Variants in GPLD1 observed in about 807,000 individuals in gnomAD.
GPLD1 encodes phosphatidylinositol-glycan-specific phospholipase D.
Under a neutral mutation model 112.6 loss-of-function variants are expected in GPLD1, and 84 were observed. That is an observed-to-expected ratio of 0.75 (90% CI 0.63 to 0.89). The LOEUF is 0.89. GPLD1 is among the 40% of genes least tolerant of loss of function. The probability of loss-of-function intolerance (pLI) is 0.00; values close to 1 mark genes in which losing one functional copy is unlikely to be tolerated. For missense variants in GPLD1, 1,044 were observed against 1,051.5 expected, an observed-to-expected ratio of 0.99 and a Z score of 0.10; for synonymous variants, 386 against 403.8, an observed-to-expected ratio of 0.96 and a Z score of 0.53.
intron 10 of GPLD1, among the ~76,000 whole-genome samples, chr6:24,464,772 C>G (rs2127352297): frequency 6.6e-6 from 1 of 152,330 alleles, no homozygotes; most frequent in South Asian, 2.1e-4. Flanking sequence ...GGTGGTACAG[C>G]CTAAGCTTCC....
chr6:24,467,320 G>A, intron 7 of GPLD1, 46 bp from the exon 8 acceptor site: 1 of 1,020,790 alleles, frequency 9.8e-7, no homozygotes, highest in African/African-American at 1.6e-5. Context: ...TTCTGAAGCT[G>A]AAAATAGTAA....
chr6:24,485,034 A>G (rs548433156), intron 2 of GPLD1, among the ~76,000 whole-genome samples: 74 of 152,354 alleles, frequency 4.9e-4, no homozygotes, highest in African/African-American at 1.7e-3. Context: ...GAATGTGTTC[A>G]TTTGAAGATG....
At chr6:24,460,138 T>C in intron 12 of GPLD1, 141 bp downstream of exon 12, 1 of 878,686 alleles carries the variant, frequency 1.1e-6, no homozygotes, top group Non-Finnish European at 1.8e-6. Context: ...ACTCAAGGGA[T>C]CCTCTCAACT....
At position 24,445,768 on chromosome 6, in the gene GPLD1, G is replaced by A. The variant is rs1469026819; in HGVS notation, c.1884C>T (p.Phe628=). ...TAAACCAGCTTTGGCCGTTTGGTGG[G>A]AAGTAGCCATACACCCTCCCAAGGC... ...KKSLGRVYGY[F]PPNGQSWFTI... is the part of the protein sequence containing the mutation. The change falls in exon 19 of 25, where the codon TTC becomes TTT. Residue 628 remains phenylalanine, a synonymous_variant. Transcript: ENST00000230036. The A allele has an allele frequency of 3.1e-6, 5 of 1,613,896 alleles. No homozygotes were observed. The highest frequency in any genetic ancestry group is 1.1e-5 in the South Asian group (1 of 91,062).
rs1306553412 is a variant in GPLD1, at chr6:24,433,152, C to CA, written c.2436+34dup. On this transcript the variant is annotated intron_variant, in intron 24 of 24. Coordinates refer to ENST00000230036, the MANE Select transcript of GPLD1 (RefSeq NM_001503.4). ...CACCAAATCCCACCCGTAGTACTAA[C>CA]ATAAACATCAATGAAGTTCAGTCCT... is the stretch of plus-strand genomic sequence containing the variant. 4 of 1,456,450 alleles carry CA rather than the reference C, an allele frequency of 2.7e-6. No individual in the cohort carries two copies. In the African/African-American group the frequency reaches 4.2e-5, roughly 15 times the overall value. The allele number at this position is 1,456,450 out of a possible 1,614,324, so 90.2% of individuals were successfully genotyped here. A position where few individuals can be genotyped will look rare whatever the true frequency, so the allele number is the denominator to read the frequency against.
In GPLD1 at chr6:24,450,504, A is replaced by C. The variant is rs1328795789; in HGVS notation, c.1336-605T>G. Among the ~76,000 whole-genome samples the C allele has an allele frequency of 7.2e-5, 11 of 152,156 alleles. No individual in the cohort carries two copies. The East Asian group carries it at 1.2e-3, about 16-fold the overall frequency. ...CAACACAGCGAGACTCCATCTCAAA[A>C]AAACAAACAAACAAAAAAGAAAGTA... On this transcript the variant is annotated intron_variant, in intron 14 of 24. Transcript: ENST00000230036.
chr6:24,476,385 C>T, intron 3 of GPLD1, 107 bp from the exon 4 acceptor site: 1 of 629,464 alleles, frequency 1.6e-6, no homozygotes. Context: ...TCCTCCTTCC[C>T]TCCATGCCCC....
intron 1 of GPLD1, 99 bp downstream of exon 1, chr6:24,489,316 A>G: frequency 1.1e-6 from 1 of 886,454 alleles, no homozygotes; most frequent in Non-Finnish European, 1.8e-6. Flanking sequence ...TGCCCAGGGG[A>G]AACTGTATCA....
At chr6:24,467,381 C>T in intron 7 of GPLD1, 107 bp from the exon 8 acceptor site, 4 of 700,880 alleles carry the variant, frequency 5.7e-6, no homozygotes, top group Non-Finnish European at 1.0e-5. Flanking sequence ...GTGCCAGGCA[C>T]CATGTAAAAG....
rs541348450 is a variant in GPLD1, at chr6:24,464,396, G to A, written c.822-1601C>T. ...TATGCACCTAAAAACCCAGGTCCAC[G>A]GGAGAGCTTGGGGATTTTAGTTGAG... is the stretch of plus-strand genomic sequence containing the variant. On this transcript the variant is annotated intron_variant, in intron 10 of 24. Transcript: ENST00000230036. 7.1e-4 allele frequency among the ~76,000 whole-genome samples: 108 copies of A among 152,240 alleles called. 1 individual carries two copies. The highest frequency in any genetic ancestry group is 1.2e-3 in the East Asian group (6 of 5,178).
intron 6 of GPLD1, 144 bp from the exon 7 acceptor site, chr6:24,472,780 CTT>C (rs199628294): frequency 0.01 from 4,954 of 479,082 alleles, no homozygotes; most frequent in South Asian, 0.014. Flanking sequence ...AAAGGCATGC[CTT>C]TTTTTTTTTT....
rs1763477520 is a variant in GPLD1 at position 24,462,748 on chromosome 6, T to C, written c.869A>G (p.Gln290Arg). The C allele has an allele frequency of 1.2e-6, 2 of 1,613,398 alleles. No homozygotes were observed. The highest frequency in any genetic ancestry group is 8.5e-7 in the Non-Finnish European group (1 of 1,179,284). ...CACTTACCCCTGGGTGTGGTTTTGCTGGCCGCCACATGCAATGAACAGAGG... is the reference window on the plus strand; with the variant it reads ...CACTTACCCCTGGGTGTGGTTTTGCCGGCCGCCACATGCAATGAACAGAGG... ...ENPLFIACGG[Q>R]QNHTQGSKMQ... The change falls in exon 11 of 25, where the codon CAG becomes CGG. Residue 290 changes from glutamine (Q) to arginine (R), a missense_variant. Transcript: ENST00000230036.
upstream of GPLD1, among the ~76,000 whole-genome samples, chr6:24,490,795 A>T (rs542357249): frequency 6.6e-5 from 10 of 151,954 alleles, no homozygotes; most frequent in African/African-American, 2.4e-4. Flanking sequence ...GAATGATTTG[A>T]CAACAGTTGT....
chr6:24,443,333 G>A (rs190856820), intron 20 of GPLD1, among the ~76,000 whole-genome samples: 240 of 152,290 alleles, frequency 1.6e-3, no homozygotes, highest in Non-Finnish European at 3.0e-3. Context: ...AGGAGGTAAC[G>A]ATTGGTCAGC....
intron 11 of GPLD1, among the ~76,000 whole-genome samples, chr6:24,460,906 G>A (rs2793437): frequency 0.67 from 100,849 of 151,540 alleles, 33,884 homozygotes; most frequent in African/African-American, 0.72. Context: ...ACACCCAGCT[G>A]ATTTTTTTGT....
In GPLD1 at chr6:24,467,158, T is replaced by TA; in HGVS notation, c.653+8dup. The TA allele has an allele frequency of 1.4e-6, 2 of 1,466,686 alleles. No individual in the cohort carries two copies. Among genetic ancestry groups the TA allele is most frequent in the Non-Finnish European group, 1.9e-6 (2 of 1,045,534 alleles). 90.9% of individuals were successfully genotyped at this position (1,466,686 alleles called of 1,614,324 possible). ...ATCAGCTGCAAATTGTCCTCTGAGT[T>TA]ACGCTTACATTTCTAAGAACTGGAT... On this transcript the variant is annotated intron_variant, in intron 8 of 24. Transcript: ENST00000230036.
At chr6:24,442,628 T>C (rs1762785841) in intron 20 of GPLD1, among the ~76,000 whole-genome samples, 2 of 151,858 alleles carry the variant, frequency 1.3e-5, no homozygotes, top group South Asian at 4.2e-4. Flanking sequence ...GTGTTTTTAG[T>C]AGAGACAGGG....
chr6:24,476,521 T>C (rs1764025901), intron 3 of GPLD1, among the ~76,000 whole-genome samples: 2 of 152,196 alleles, frequency 1.3e-5, no homozygotes, highest in South Asian at 4.1e-4. Context: ...GGACGGAGCC[T>C]AAACTGGCTC....
At position 24,472,628 on chromosome 6, in the gene GPLD1, C is replaced by A. The variant is rs766897122; in HGVS notation, c.499G>T (p.Val167Leu). 4 of 1,585,774 alleles carry A rather than the reference C, an allele frequency of 2.5e-6. No individual in the cohort carries two copies. The highest frequency in any genetic ancestry group is 1.7e-4 in the Middle Eastern group (1 of 6,030). The stretch of plus-strand genomic sequence containing the variant: ...AAATTAAATTCAAACTGGCTCAACA[C>A]ATCTCCTCCTAGGGTATGAGAAAAA... ...AHSAGDFGGD[V>L]LSQFEFNFNY... The change falls in exon 7 of 25, where the codon GTG becomes TTG. Residue 167 changes from valine to leucine, a missense_variant. Coordinates refer to ENST00000230036, the MANE Select transcript of GPLD1 (RefSeq NM_001503.4).
Sources: allele counts gnomAD v4.1 joint callset (sites outside exome capture counted in the v4.1 genomes callset), GRCh38; gene constraint gnomAD v4.1.1; transcripts MANE v1.5; gene names NCBI Gene and HGNC (gene_info 2026-07-23, HGNC 2026-07-21).